Variants in SLC44A5 observed in about 807,000 individuals in gnomAD.
The protein encoded by SLC44A5 is choline transporter-like protein 5.
Under a neutral mutation model 101.8 loss-of-function variants are expected in SLC44A5, and 57 were observed. That is an observed-to-expected ratio of 0.56 (90% CI 0.45 to 0.70). The LOEUF is 0.70. Among genes scored for constraint, SLC44A5 ranks in the 30% least tolerant of loss-of-function variants. The pLI is 0.00. For synonymous variants in SLC44A5, 281 were observed against 290.9 expected (o/e 0.97, Z 0.35); for missense variants, 737 against 853.1 (o/e 0.86, Z 1.70).
chr1:75,510,099 A>G (rs1669483474), intron 2 of SLC44A5, among the ~76,000 whole-genome samples: 1 of 152,202 alleles, frequency 6.6e-6, no homozygotes, highest in Non-Finnish European at 1.5e-5. Context: ...AGCATGGGAA[A>G]GACCCACCTC....
intron 3 of SLC44A5, among the ~76,000 whole-genome samples, chr1:75,358,957 A>G (rs1659281241): frequency 6.6e-6 from 1 of 152,040 alleles, no homozygotes; most frequent in African/African-American, 2.4e-5. Flanking sequence ...GAAACTTTAT[A>G]ACCACTGACC....
chr1:75,520,536 A>G (rs376334576), intron 2 of SLC44A5, among the ~76,000 whole-genome samples: 7 of 152,308 alleles, frequency 4.6e-5, no homozygotes, highest in African/African-American at 1.7e-4. Context: ...TATAGATGAA[A>G]GAATAGACAG....
At chr1:75,554,245 G>A (rs1383396873) in intron 1 of SLC44A5, among the ~76,000 whole-genome samples, 1 of 152,072 alleles carries the variant, frequency 6.6e-6, no homozygotes, top group Non-Finnish European at 1.5e-5. Flanking sequence ...GAGAGGCCAA[G>A]GCAGGCGAAT....
At chr1:75,462,589 C>A (rs1666564660) in intron 2 of SLC44A5, among the ~76,000 whole-genome samples, 1 of 151,932 alleles carries the variant, frequency 6.6e-6, no homozygotes, top group African/African-American at 2.4e-5. Context: ...ACCTTTCAGA[C>A]AAAGAATTCA....
chr1:75,279,447 C>A (rs1276908946), intron 5 of SLC44A5, among the ~76,000 whole-genome samples: 1 of 152,152 alleles, frequency 6.6e-6, no homozygotes, highest in Non-Finnish European at 1.5e-5. Context: ...TGGCTTACAT[C>A]ATAACCACAA....
chr1:75,462,088 T>C (rs1297173649), intron 2 of SLC44A5, among the ~76,000 whole-genome samples: 2 of 152,244 alleles, frequency 1.3e-5, no homozygotes, highest in African/African-American at 4.8e-5. Flanking sequence ...CAAGACCCAG[T>C]GCTGTGCTGG....
At chr1:75,383,341 C>T (rs1322374312) in intron 3 of SLC44A5, among the ~76,000 whole-genome samples, 3 of 142,626 alleles carry the variant, frequency 2.1e-5, no homozygotes, top group Admixed American at 1.4e-4. Context: ...AACGCTGGTT[C>T]CCCGGTTCCC....
At chr1:75,392,034 A>G (rs904978266) in intron 3 of SLC44A5, among the ~76,000 whole-genome samples, 8 of 152,024 alleles carry the variant, frequency 5.3e-5, no homozygotes, top group Admixed American at 5.2e-4. Flanking sequence ...ACATAGTCCC[A>G]ACTACTCAGA....
At chr1:75,456,998 T>C (rs1666220463) in intron 2 of SLC44A5, among the ~76,000 whole-genome samples, 1 of 152,140 alleles carries the variant, frequency 6.6e-6, no homozygotes, top group African/African-American at 2.4e-5. Context: ...AGGAAAATAA[T>C]ATCGATTCCC....
chr1:75,450,343 C>T (rs1665834172), intron 2 of SLC44A5, among the ~76,000 whole-genome samples: 1 of 152,210 alleles, frequency 6.6e-6, no homozygotes, highest in Non-Finnish European at 1.5e-5. Context: ...AAGCTGTAGA[C>T]ATTTTCCCAG....
At chr1:75,454,469 T>C (rs953307005) in intron 2 of SLC44A5, among the ~76,000 whole-genome samples, 3 of 152,054 alleles carry the variant, frequency 2.0e-5, no homozygotes, top group Non-Finnish European at 4.4e-5. Context: ...GCTGGAAACA[T>C]TCCCCTTGAG....
At chr1:75,304,590 T>A (rs1654767742) in intron 4 of SLC44A5, among the ~76,000 whole-genome samples, 1 of 152,174 alleles carries the variant, frequency 6.6e-6, no homozygotes, top group South Asian at 2.1e-4. Context: ...CAATCCTAAA[T>A]GTTCTATAGG....
chr1:75,329,095 A>G (rs1490530182), intron 4 of SLC44A5, among the ~76,000 whole-genome samples: 1 of 152,194 alleles, frequency 6.6e-6, no homozygotes, highest in Non-Finnish European at 1.5e-5. Context: ...TTATCTATAT[A>G]ACAACCTTCG....
At chr1:75,352,366 C>T (rs903290649) in intron 3 of SLC44A5, among the ~76,000 whole-genome samples, 2 of 151,996 alleles carry the variant, frequency 1.3e-5, no homozygotes, top group South Asian at 4.2e-4. Context: ...CCGCCAGTCC[C>T]CCAACAGGCC....
intron 3 of SLC44A5, among the ~76,000 whole-genome samples, chr1:75,359,763 G>T (rs1470313849): frequency 6.6e-6 from 1 of 152,096 alleles, no homozygotes; most frequent in African/African-American, 2.4e-5. Flanking sequence ...TTCCCATAAT[G>T]ACTGCACCAA....
chr1:75,385,760 G>A (rs1238171637), intron 3 of SLC44A5, among the ~76,000 whole-genome samples: 5 of 152,006 alleles, frequency 3.3e-5, no homozygotes, highest in African/African-American at 4.8e-5. Flanking sequence ...CACCAAAAAA[G>A]AGAATTTTAG....
chr1:75,692,245 A>C, the SLC44A5 span, among the ~76,000 whole-genome samples: 1 of 135,332 alleles, frequency 7.4e-6, no homozygotes, highest in Non-Finnish European at 1.5e-5. Flanking sequence ...CCAGGCTGGA[A>C]TGCAGTGGCA....
At chr1:75,461,198 T>A (rs904681226) in intron 2 of SLC44A5, among the ~76,000 whole-genome samples, 1 of 152,148 alleles carries the variant, frequency 6.6e-6, no homozygotes, top group Admixed American at 6.5e-5. Context: ...CCAAAAGAGA[T>A]CTCTTCTCTG....
At chr1:75,695,291 G>C in the SLC44A5 span, among the ~76,000 whole-genome samples, 1 of 152,172 alleles carries the variant, frequency 6.6e-6, no homozygotes, top group South Asian at 2.1e-4. Flanking sequence ...CCTAAAATCA[G>C]ATGCTTCTAG....
Sources: allele counts gnomAD v4.1 joint callset (sites outside exome capture counted in the v4.1 genomes callset), GRCh38; gene constraint gnomAD v4.1.1; transcripts MANE v1.5; gene names NCBI Gene and HGNC (gene_info 2026-07-23, HGNC 2026-07-21).